Variants in VPS35L observed in about 807,000 individuals in gnomAD.
VPS35L encodes the protein VPS35 endosomal protein-sorting factor-like.
In VPS35L, 83 loss-of-function variants were observed where a neutral mutation model predicts 133.0. That is an observed-to-expected ratio of 0.62 (90% CI 0.52 to 0.75). The LOEUF is 0.75. Ranked by LOEUF, VPS35L falls within the 30% of genes least tolerant of loss-of-function variation. VPS35L has a pLI of 0.00. For synonymous variants in VPS35L, 423 were observed against 449.9 expected (o/e 0.94, Z 0.76); for missense variants, 1,083 against 1,206.8 (o/e 0.90, Z 1.52).
At chr16:19,563,323 A>G (rs1366297500) in intron 1 of VPS35L, among the ~76,000 whole-genome samples, 1 of 151,956 alleles carries the variant, frequency 6.6e-6, no homozygotes, top group Non-Finnish European at 1.5e-5. Flanking sequence ...CTTAAAAAAA[A>G]AAAAAAGAAA....
chr16:19,660,887 G>A (rs748823520), intron 26 of VPS35L, among the ~76,000 whole-genome samples: 5 of 152,086 alleles, frequency 3.3e-5, no homozygotes, highest in Non-Finnish European at 5.9e-5. Flanking sequence ...AAAGCCCTGA[G>A]ATAAAAGTCT....
Position 19,579,256 on chromosome 16 carries a change from G to A in VPS35L, c.510+128G>A, listed in dbSNP as rs575216176. 4.9e-6 allele frequency: 4 copies of A among 814,058 alleles called. No homozygotes were observed. In the East Asian group the frequency reaches 1.1e-4, roughly 22 times the overall value. The allele number at this position is 814,058 out of a possible 1,614,324, so 50.4% of individuals were successfully genotyped here. On this transcript the variant is annotated intron_variant, in intron 6 of 30. Transcript: ENST00000417362. ...GCGCATTGTGCTTGGTCCTCTCGAG[G>A]CAATGACTCCATCCAGGGAAGGGTG...
chr16:19,668,557 A>G (rs1478438056), intron 26 of VPS35L, among the ~76,000 whole-genome samples: 1 of 151,084 alleles, frequency 6.6e-6, no homozygotes, highest in African/African-American at 2.4e-5. Flanking sequence ...AAACGATTCT[A>G]TGGAGCTGAT....
intron 27 of VPS35L, among the ~76,000 whole-genome samples, chr16:19,675,253 T>G (rs1379691006): frequency 1.1e-5 from 1 of 91,622 alleles, no homozygotes; most frequent in Non-Finnish European, 2.8e-5. Context: ...ACCCAGTCTT[T>G]TTTTTTTTTT....
chr16:19,607,915 A>T, intron 9 of VPS35L: 1 of 380,502 alleles, frequency 2.6e-6, no homozygotes, highest in Middle Eastern at 7.7e-4. Flanking sequence ...AAATAAGATA[A>T]TAAAACTACG....
chr16:19,677,036 A>G (rs1014466244), intron 27 of VPS35L, among the ~76,000 whole-genome samples: 2 of 151,430 alleles, frequency 1.3e-5, no homozygotes, highest in African/African-American at 4.8e-5. Context: ...ACATAGCAAG[A>G]CCTCATCTCA....
chr16:19,581,497 G>A, intron 6 of VPS35L, 28 bp from the exon 7 acceptor site: 1 of 1,538,006 alleles, frequency 6.5e-7, no homozygotes, highest in Non-Finnish European at 8.8e-7. Context: ...TTCCTGCTAT[G>A]CCTTCACCTT....
rs75639546 is a variant in VPS35L, at chr16:19,609,962, C to T, written c.930-360C>T. Among the ~76,000 whole-genome samples, 86 of 151,956 alleles carry T rather than the reference C, an allele frequency of 5.7e-4. No individual in the cohort carries two copies. The East Asian group carries it at 0.012, about 22-fold the overall frequency. ...TACGGGACAGTAAATCTGTGGCAAA[C>T]GAAAATACATGTGGAGAGAAGATCA... On this transcript the variant is annotated intron_variant, in intron 11 of 30. Transcript: ENST00000417362.
intron 1 of VPS35L, among the ~76,000 whole-genome samples, chr16:19,556,769 A>G (rs1970869648): frequency 6.6e-6 from 1 of 151,022 alleles, no homozygotes. Flanking sequence ...TTGACACGCT[A>G]CATCAGCATT....
chr16:19,581,811 C>A (rs752604944), intron 7 of VPS35L, 158 bp downstream of exon 7: 3 of 929,028 alleles, frequency 3.2e-6, no homozygotes, highest in Non-Finnish European at 4.8e-6. Context: ...GATTATGAAT[C>A]TGTGTTTTTA....
intron 14 of VPS35L, among the ~76,000 whole-genome samples, chr16:19,619,390 G>C (rs1481517999): frequency 6.6e-6 from 1 of 152,068 alleles, no homozygotes; most frequent in Admixed American, 6.6e-5. Flanking sequence ...CAGTATAAAG[G>C]AAAGATTGTT....
In VPS35L at chr16:19,692,565, T is replaced by G. The variant is rs563010503; in HGVS notation, c.2646+1094T>G. ...AGGCCTTTCCACTTCACTTTTCTTT[T>G]TATTTTATTTTTTTTGAGACGGAGT... is the stretch of plus-strand genomic sequence containing the variant. On this transcript the variant is annotated intron_variant, in intron 29 of 30. Coordinates refer to ENST00000417362, the MANE Select transcript of VPS35L (RefSeq NM_020314.7). Among the ~76,000 whole-genome samples, 45 of 138,424 alleles carry G rather than the reference T, an allele frequency of 3.3e-4. 1 individual carries two copies. Among genetic ancestry groups the G allele is most frequent in the Middle Eastern group, 6.8e-3 (2 of 292 alleles). The allele number at this position is 138,424 out of a possible 152,430, so 90.8% of individuals were successfully genotyped here.
chr16:19,570,308 C>T (rs1218616626), intron 3 of VPS35L, among the ~76,000 whole-genome samples: 1 of 152,182 alleles, frequency 6.6e-6, no homozygotes, highest in Non-Finnish European at 1.5e-5. Flanking sequence ...AGTGATCCAC[C>T]TGCCTCAACC....
intron 26 of VPS35L, among the ~76,000 whole-genome samples, chr16:19,657,256 C>T (rs77220377): frequency 0.049 from 7,471 of 152,166 alleles, 590 homozygotes; most frequent in African/African-American, 0.16. Flanking sequence ...CATGAGCCAC[C>T]GTGCCCAACC....
chr16:19,567,631 G>T (rs528613837), intron 2 of VPS35L, among the ~76,000 whole-genome samples: 1 of 152,008 alleles, frequency 6.6e-6, no homozygotes, highest in East Asian at 1.9e-4. Context: ...AGCCATCGCC[G>T]GCAGTTGGCA....
chr16:19,661,775 G>A (rs1974493227), intron 26 of VPS35L, among the ~76,000 whole-genome samples: 3 of 152,146 alleles, frequency 2.0e-5, no homozygotes, highest in Admixed American at 2.0e-4. Context: ...ACACATACAG[G>A]GAACTGGGGT....
At chr16:19,587,271 A>T (rs1404347778) in intron 7 of VPS35L, 2 of 432,882 alleles carry the variant, frequency 4.6e-6, no homozygotes, top group African/African-American at 4.1e-5. Flanking sequence ...TTTGGGTGGG[A>T]ACACAGAGCC....
chr16:19,660,277 A>T (rs10048135), intron 26 of VPS35L, among the ~76,000 whole-genome samples: 1 of 151,272 alleles, frequency 6.6e-6, no homozygotes, highest in African/African-American at 2.4e-5. Context: ...GCAGTGAGCC[A>T]TGATTGCACC....
intron 3 of VPS35L, among the ~76,000 whole-genome samples, chr16:19,570,889 A>ATATATATATATT (rs1971360458): frequency 1.1e-5 from 1 of 91,852 alleles, no homozygotes; most frequent in African/African-American, 4.7e-5. Context: ...ATATATATAT[A>ATATATATATATT]TTTTTGAGAT....
Sources: allele counts gnomAD v4.1 joint callset (sites outside exome capture counted in the v4.1 genomes callset), GRCh38; gene constraint gnomAD v4.1.1; transcripts MANE v1.5; gene names NCBI Gene and HGNC (gene_info 2026-07-23, HGNC 2026-07-21).